BAIAP2: variants seen among roughly 807,000 people sequenced by gnomAD.
BAIAP2 encodes the protein BAR/IMD domain containing adaptor protein 2.
In BAIAP2, 18 loss-of-function variants were observed where a neutral mutation model predicts 63.0. The observed-to-expected ratio is 0.29, with a 90% CI of 0.20 to 0.42. BAIAP2 has a LOEUF of 0.42. Ranked by LOEUF, BAIAP2 falls within the 10% of genes least tolerant of loss-of-function variation. The pLI, the probability that BAIAP2 is intolerant of heterozygous loss-of-function variation, is 1.00. For synonymous variants in BAIAP2, 386 were observed against 307.6 expected, an observed-to-expected ratio of 1.25 and a Z score of -2.67; for missense variants, 610 against 734.3, an observed-to-expected ratio of 0.83 and a Z score of 1.96.
At chr17:81,049,593 T>A (rs375887392) in intron 1 of BAIAP2, among the ~76,000 whole-genome samples, 1 of 152,216 alleles carries the variant, frequency 6.6e-6, no homozygotes, top group Non-Finnish European at 1.5e-5. Context: ...TGAGCTCAGC[T>A]CCTTCCTGGT....
At chr17:81,065,378 G>A (rs1301359769) in intron 3 of BAIAP2, among the ~76,000 whole-genome samples, 2 of 152,246 alleles carry the variant, frequency 1.3e-5, no homozygotes, top group Admixed American at 6.5e-5. Flanking sequence ...AGATGTGTGA[G>A]TGGCTCCTCC....
chr17:81,078,149 G>A (rs1056452444), intron 3 of BAIAP2, among the ~76,000 whole-genome samples: 4 of 145,056 alleles, frequency 2.8e-5, no homozygotes, highest in Non-Finnish European at 6.1e-5. Flanking sequence ...GTGCCATCTC[G>A]GAGCTGGATG....
intron 6 of BAIAP2, 98 bp downstream of exon 6, chr17:81,086,678 A>AGGT (rs2055705778): frequency 7.2e-7 from 1 of 1,379,692 alleles, no homozygotes; most frequent in Non-Finnish European, 1.0e-6. Flanking sequence ...GCAGCCCCCC[A>AGGT]GGTGCGATCA....
intron 7 of BAIAP2, among the ~76,000 whole-genome samples, chr17:81,102,942 G>A (rs545182142): frequency 6.6e-6 from 1 of 152,344 alleles, no homozygotes; most frequent in African/African-American, 2.4e-5. Flanking sequence ...CATGCCTGTG[G>A]CTTCCTCCTC....
intron 13 of BAIAP2, among the ~76,000 whole-genome samples, chr17:81,112,583 G>T (rs114063804): frequency 6.6e-6 from 1 of 152,246 alleles, no homozygotes; most frequent in African/African-American, 2.4e-5. Context: ...CGCTGGACCC[G>T]ATTCCAGAAG....
At chr17:81,097,447 G>C (rs1415658641) in intron 6 of BAIAP2, 1 of 152,310 alleles carries the variant, frequency 6.6e-6, no homozygotes, top group African/African-American at 2.4e-5. Flanking sequence ...AGGCAGCCAG[G>C]GAACAGGCTG....
At chr17:81,093,687 G>GC (rs1346869732) in intron 6 of BAIAP2, among the ~76,000 whole-genome samples, 1 of 152,136 alleles carries the variant, frequency 6.6e-6, no homozygotes, top group African/African-American at 2.4e-5. Context: ...CCCTCCGGCT[G>GC]CCCCCCATCT....
At chr17:81,103,480 C>G in intron 7 of BAIAP2, 22 bp from the exon 8 acceptor site, 1 of 1,543,864 alleles carries the variant, frequency 6.5e-7, no homozygotes, top group East Asian at 2.4e-5. Context: ...TGACCCCTCC[C>G]TTCCTGCTGC....
At chr17:81,070,391 G>C (rs912373544) in intron 3 of BAIAP2, among the ~76,000 whole-genome samples, 1 of 152,226 alleles carries the variant, frequency 6.6e-6, no homozygotes, top group African/African-American at 2.4e-5. Flanking sequence ...AATGTGCTCT[G>C]CCGGGCAACC....
chr17:81,077,752 G>C (rs1191348511), intron 3 of BAIAP2, among the ~76,000 whole-genome samples: 1 of 152,040 alleles, frequency 6.6e-6, no homozygotes, highest in Non-Finnish European at 1.5e-5. Flanking sequence ...CCGTGGGTGC[G>C]GGTGCAGGTG....
chr17:81,038,712 A>C (rs1204819543), intron 1 of BAIAP2, among the ~76,000 whole-genome samples: 1 of 152,170 alleles, frequency 6.6e-6, no homozygotes, highest in Non-Finnish European at 1.5e-5. Context: ...GGTGGCAGGG[A>C]GCACACTGCC....
intron 1 of BAIAP2, chr17:81,037,061 G>A (rs1361278996): frequency 5.1e-6 from 5 of 974,146 alleles, no homozygotes; most frequent in Non-Finnish European, 7.7e-6. Context: ...AGGTGAAGCT[G>A]TAATTTATCT....
Position 81,035,300 on chromosome 17 carries a change from G to A in BAIAP2, c.46G>A (p.Val16Ile). The change falls in exon 1 of 14, where the codon GTC (valine) becomes ATC (isoleucine). Residue 16 changes from valine (V) to isoleucine (I), a missense_variant. Physicochemically the swap from Val to Ile is conservative, Grantham distance 29. This residue lies in a region of BAIAP2 where 389 missense variants were observed against 455.6 expected (regional missense o/e 0.85). Transcript: ENST00000428708. ...SEEMHRLTEN[V>I]YKTIMEQFNP... ...GGAGATGCACCGGCTCACGGAAAAT[G>A]TCTATAAGGTGAGCGCCCCCCGGCG... 6.7e-7 allele frequency: 1 copy of A among 1,483,134 alleles called. No individual in the cohort carries two copies. Among genetic ancestry groups the A allele is most frequent in the Non-Finnish European group, 9.0e-7 (1 of 1,109,138 alleles). The allele number at this position is 1,483,134 out of a possible 1,614,324, so 91.9% of individuals were successfully genotyped here. A position where few individuals can be genotyped will look rare whatever the true frequency, so the allele number is the denominator to read the frequency against.
chr17:81,086,627 C>A (rs1236269894), intron 6 of BAIAP2, 47 bp downstream of exon 6: 5 of 1,606,462 alleles, frequency 3.1e-6, no homozygotes, highest in Non-Finnish European at 4.2e-6. Context: ...CACCTTGGGA[C>A]TGCTCACCCC....
chr17:81,074,949 G>A (rs2053409309), intron 3 of BAIAP2, among the ~76,000 whole-genome samples: 1 of 152,266 alleles, frequency 6.6e-6, no homozygotes. Context: ...TGGAAAGGTT[G>A]GGCTGGGAAG....
chr17:81,078,711 G>A (rs2054120235), intron 3 of BAIAP2, among the ~76,000 whole-genome samples: 1 of 151,998 alleles, frequency 6.6e-6, no homozygotes, highest in Non-Finnish European at 1.5e-5. Flanking sequence ...GGCTGTTGGT[G>A]TCATCTCGGG....
Position 81,116,300 on chromosome 17 carries a change from A to AGAT in BAIAP2, c.*464_*466dup, listed in dbSNP as rs2060531135. The AGAT allele has an allele frequency of 6.2e-7, 1 of 1,612,808 alleles. No individual in the cohort carries two copies. The highest frequency in any genetic ancestry group is 1.3e-5 in the African/African-American group (1 of 75,056). On this transcript the variant is annotated 3_prime_UTR_variant, in exon 14 of 14. Transcript: ENST00000428708. ...TGGGAGCGCCCGCACCCTGGCTGGA[A>AGAT]GATGAACTTCCCGTAAGCACGTAAT...
intron 3 of BAIAP2, among the ~76,000 whole-genome samples, chr17:81,077,793 TGTGGGTGCA>T (rs1326373196): frequency 3.3e-5 from 5 of 151,916 alleles, no homozygotes; most frequent in Admixed American, 2.6e-4. Context: ...AGCCGGGCGC[TGTGGGTGCA>T]GGTTCCACCT....
chr17:81,101,463 CCTGGAACATT>C (rs2145840622), intron 7 of BAIAP2, among the ~76,000 whole-genome samples: 1 of 152,248 alleles, frequency 6.6e-6, no homozygotes, highest in Non-Finnish European at 1.5e-5. Context: ...ACATGTGTCC[CCTGGAACATT>C]CTGGAACATT....
Sources: allele counts gnomAD v4.1 joint callset (sites outside exome capture counted in the v4.1 genomes callset), GRCh38; gene constraint gnomAD v4.1.1; regional missense constraint gnomAD v4.1.1; transcripts MANE v1.5; gene names NCBI Gene and HGNC (gene_info 2026-07-23, HGNC 2026-07-21).